Variants in SLC22A4 observed in about 807,000 individuals in gnomAD.
The protein encoded by SLC22A4 is ET transporter.
Under a neutral mutation model 56.6 loss-of-function variants are expected in SLC22A4, and 39 were observed. That is an observed-to-expected ratio of 0.69 (90% CI 0.53 to 0.90). The LOEUF (loss-of-function observed/expected upper bound fraction) is 0.90. SLC22A4 is among the 40% of genes least tolerant of loss of function. The pLI, the probability that SLC22A4 is intolerant of heterozygous loss-of-function variation, is 0.00. For synonymous variants in SLC22A4, 241 were observed against 281.4 expected (o/e 0.86, Z 1.44); for missense variants, 594 against 696.5 (o/e 0.85, Z 1.66).
intron 6 of SLC22A4, 97 bp downstream of exon 6, chr5:132,331,947 T>C (rs1427828522): frequency 1.2e-6 from 1 of 825,994 alleles, no homozygotes; most frequent in Non-Finnish European, 2.1e-6. Context: ...GACTGGGTTT[T>C]CCTGAGGAAA....
chr5:132,298,732 C>T (rs1446257558), intron 1 of SLC22A4, among the ~76,000 whole-genome samples: 1 of 152,154 alleles, frequency 6.6e-6, no homozygotes, highest in Non-Finnish European at 1.5e-5. Flanking sequence ...GAGTGTGGCA[C>T]CAGCAAAGAG....
rs1177032941 is a variant in SLC22A4 at position 132,343,871 on chromosome 5, G to A, written c.*36G>A. On this transcript the variant is annotated 3_prime_UTR_variant, in exon 10 of 10. Transcript: ENST00000200652. ...ACCCCATTTGGTGAAGTGAAAAACA[G>A]AAAAATAAGACCCTGTGGAGAAATT... is the stretch of plus-strand genomic sequence containing the variant. The A allele has an allele frequency of 4.6e-6, 6 of 1,306,974 alleles. No individual in the cohort carries two copies. The highest frequency in any genetic ancestry group is 6.6e-6 in the Non-Finnish European group (6 of 906,456). The allele number at this position is 1,306,974 out of a possible 1,614,324, so 81.0% of individuals were successfully genotyped here.
chr5:132,322,328 C>G lies in SLC22A4; in HGVS notation c.797C>G (p.Pro266Arg). 6.2e-7 allele frequency: 1 copy of G among 1,613,756 alleles called. No homozygotes were observed. Reference protein sequence around the residue: ...WRMLLLALTVPGVLCVPLWWF... With the variant: ...WRMLLLALTVRGVLCVPLWWF... Reference sequence around the variant, plus strand: ...ATGCTGCTGCTGGCGCTGACGGTGCCGGGAGTGCTGTGTGTCCCGCTGTGG... The same window carrying G: ...ATGCTGCTGCTGGCGCTGACGGTGCGGGGAGTGCTGTGTGTCCCGCTGTGG... Residue 266 changes from proline to arginine, a missense_variant, in exon 4 of 10, where the codon CCG (proline) becomes CGG (arginine). By Grantham distance (103) the Pro-to-Arg change is moderately radical (BLOSUM62 -2). Coordinates refer to ENST00000200652, the MANE Select transcript of SLC22A4 (RefSeq NM_003059.3).
In SLC22A4 at chr5:132,312,252, AG is replaced by A; in HGVS notation, c.486del (p.Gln162HisfsTer52). On this transcript the variant is annotated frameshift_variant, in exon 2 of 10. Transcript: ENST00000200652. LOFTEE classifies it high-confidence loss of function. ...GVLLGSFVSG[Q>X]LSDRFGRKNV... Reference sequence around the variant, plus strand: ...CTCCTCGGCTCCTTCGTGTCCGGGCAGCTGTCAGACAGGTAAGCACATGGGA... The same window carrying A: ...CTCCTCGGCTCCTTCGTGTCCGGGCACTGTCAGACAGGTAAGCACATGGGA... 6.2e-7 allele frequency: 1 copy of A among 1,611,520 alleles called. No individual in the cohort carries two copies. The highest frequency in any genetic ancestry group is 8.5e-7 in the Non-Finnish European group (1 of 1,177,634).
chr5:132,328,830 T>TAC (rs1281861538), intron 5 of SLC22A4, among the ~76,000 whole-genome samples: 12 of 24,740 alleles, frequency 4.9e-4, no homozygotes, highest in African/African-American at 2.1e-3. Context: ...CCTTTATATA[T>TAC]ATATATATAC....
At chr5:132,302,290 T>G (rs906930009) in intron 1 of SLC22A4, among the ~76,000 whole-genome samples, 4 of 152,070 alleles carry the variant, frequency 2.6e-5, no homozygotes, top group Non-Finnish European at 5.9e-5. Context: ...GAGTCCAAGG[T>G]GGCATTTTGA....
chr5:132,320,456 G>A (rs1410329564), intron 3 of SLC22A4, among the ~76,000 whole-genome samples: 1 of 152,210 alleles, frequency 6.6e-6, no homozygotes, highest in African/African-American at 2.4e-5. Context: ...GGTCAGAAAA[G>A]ACCTGGAAAT....
intron 2 of SLC22A4, 25 bp downstream of exon 2, chr5:132,312,289 G>A: frequency 1.4e-6 from 2 of 1,381,348 alleles, no homozygotes; most frequent in Non-Finnish European, 2.1e-6. Context: ...GGGGAGGAAG[G>A]TGGGATGGTG....
chr5:132,328,930 T>TATATATATATATAC (rs1475251337), intron 5 of SLC22A4, among the ~76,000 whole-genome samples: 7 of 21,946 alleles, frequency 3.2e-4, no homozygotes, highest in African/African-American at 2.0e-3. Flanking sequence ...TATATATATA[T>TATATATATATATAC]ACACACACAC....
intron 6 of SLC22A4, among the ~76,000 whole-genome samples, chr5:132,333,885 A>G (rs549878104): frequency 5.6e-4 from 85 of 152,224 alleles, no homozygotes; most frequent in Non-Finnish European, 5.1e-4. Context: ...AGCTCACTGC[A>G]ACCTTCGCCT....
intron 1 of SLC22A4, among the ~76,000 whole-genome samples, chr5:132,311,093 T>G (rs778420708): frequency 4.6e-5 from 7 of 152,192 alleles, no homozygotes; most frequent in Non-Finnish European, 8.8e-5. Flanking sequence ...ATATGTGAGT[T>G]TGTGCTTAAA....
At chr5:132,342,307 AACAG>A (rs1751243619) in intron 9 of SLC22A4, among the ~76,000 whole-genome samples, 1 of 152,254 alleles carries the variant, frequency 6.6e-6, no homozygotes, top group African/African-American at 2.4e-5. Flanking sequence ...AAAGGACAAG[AACAG>A]ACAGTTTACA....
Position 132,296,354 on chromosome 5 carries a change from G to A in SLC22A4, c.393+1345G>A, listed in dbSNP as rs148899979. On this transcript the variant is annotated intron_variant, in intron 1 of 9. Transcript: ENST00000200652. ...ATAGTGGCCTTCTATGTATACTGAG[G>A]AGCTGACTTTATTCGGAGGACAGTG... Among the ~76,000 whole-genome samples, 542 of 152,304 alleles carry A rather than the reference G, an allele frequency of 3.6e-3. 4 individuals are homozygous for A. Among genetic ancestry groups the A allele is most frequent in the African/African-American group, 0.012 (516 of 41,564 alleles).
At chr5:132,303,129 T>A (rs1749943245) in intron 1 of SLC22A4, among the ~76,000 whole-genome samples, 1 of 152,232 alleles carries the variant, frequency 6.6e-6, no homozygotes, top group Admixed American at 6.5e-5. Context: ...ACAACCTGAT[T>A]TAAAAATGGA....
At chr5:132,301,002 G>A (rs1291466460) in intron 1 of SLC22A4, among the ~76,000 whole-genome samples, 1 of 152,246 alleles carries the variant, frequency 6.6e-6, no homozygotes, top group Admixed American at 6.5e-5. Context: ...CAAGACCTCA[G>A]AGAGAAGAGG....
At chr5:132,323,900 A>T (rs557990069) in intron 4 of SLC22A4, among the ~76,000 whole-genome samples, 9 of 152,202 alleles carry the variant, frequency 5.9e-5, no homozygotes, top group Non-Finnish European at 1.0e-4. Flanking sequence ...TACTTTCAAA[A>T]TGTTATAATT....
intron 3 of SLC22A4, 116 bp from the exon 4 acceptor site, chr5:132,322,068 A>C (rs1367398962): frequency 2.0e-6 from 2 of 982,996 alleles, no homozygotes; most frequent in Non-Finnish European, 3.2e-6. Context: ...CATGAGGCAA[A>C]TGCCTTTCCC....
chr5:132,308,824 CTA>C (rs1447947438), intron 1 of SLC22A4, among the ~76,000 whole-genome samples: 1 of 152,148 alleles, frequency 6.6e-6, no homozygotes, highest in East Asian at 1.9e-4. Flanking sequence ...GGGAGGTAAG[CTA>C]TGTTTCAGAA....
chr5:132,333,739 T>C (rs1476762654), intron 6 of SLC22A4, among the ~76,000 whole-genome samples: 1 of 152,052 alleles, frequency 6.6e-6, no homozygotes, highest in Non-Finnish European at 1.5e-5. Context: ...AAATAAACTA[T>C]CTCTTAGAAA....
Sources: allele counts gnomAD v4.1 joint callset (sites outside exome capture counted in the v4.1 genomes callset), GRCh38; gene constraint gnomAD v4.1.1; transcripts MANE v1.5; gene names NCBI Gene and HGNC (gene_info 2026-07-23, HGNC 2026-07-21).